Variants in NAV2 observed in about 807,000 individuals in gnomAD.
NAV2 encodes helicase, APC down-regulated 1.
In NAV2, 54 loss-of-function variants were observed where a neutral mutation model predicts 223.2. The observed-to-expected ratio is 0.24, with a 90% CI of 0.19 to 0.30. NAV2 has a LOEUF of 0.30. Ranked by LOEUF, NAV2 falls within the 10% of genes least tolerant of loss-of-function variation. The pLI, the probability that NAV2 is intolerant of heterozygous loss-of-function variation, is 1.00. For missense variants in NAV2, 2,806 were observed against 3,147.5 expected (o/e 0.89, Z 2.60); for synonymous variants, 1,279 against 1,239.3 (o/e 1.03, Z -0.67).
At chr11:19,900,537 G>T (rs1390270470) in intron 6 of NAV2, among the ~76,000 whole-genome samples, 1 of 152,128 alleles carries the variant, frequency 6.6e-6, no homozygotes, top group African/African-American at 2.4e-5. Flanking sequence ...CCAGGTAACA[G>T]CTCAGGTGTG....
chr11:19,717,684 C>G (rs1422584893), intron 1 of NAV2, among the ~76,000 whole-genome samples: 1 of 152,212 alleles, frequency 6.6e-6, no homozygotes, highest in Non-Finnish European at 1.5e-5. Flanking sequence ...GGTGGATCAT[C>G]ATTCTGAATG....
At chr11:20,044,885 C>G in intron 13 of NAV2, 83 bp from the exon 14 acceptor site, 1 of 1,182,668 alleles carries the variant, frequency 8.5e-7, no homozygotes, top group Middle Eastern at 2.1e-4. Context: ...ACCAGCTCTT[C>G]AGAGGAGGAG....
At position 20,034,262 on chromosome 11, in the gene NAV2, A is replaced by G. The variant is rs2056105797; in HGVS notation, c.2769-1697A>G. Among the ~76,000 whole-genome samples, 6 of 151,046 alleles carry G rather than the reference A, an allele frequency of 4.0e-5. 1 individual carries two copies. The South Asian group carries it at 1.0e-3, about 26-fold the overall frequency. ...AAAAACAATAATACCCTTTTCCCCT[A>G]TAGGTCAATTAGAGTAGTGTCACAC... is the stretch of plus-strand genomic sequence containing the variant. On this transcript the variant is annotated intron_variant, in intron 11 of 37. Coordinates refer to ENST00000349880, the MANE Select transcript of NAV2 (RefSeq NM_145117.5).
intron 11 of NAV2, among the ~76,000 whole-genome samples, chr11:20,029,142 C>T (rs1056288404): frequency 6.6e-6 from 1 of 152,204 alleles, no homozygotes; most frequent in Non-Finnish European, 1.5e-5. Context: ...GCCCACTTGC[C>T]TTTGTACCAA....
chr11:19,992,337 T>A (rs2051420435), intron 11 of NAV2, among the ~76,000 whole-genome samples: 1 of 152,216 alleles, frequency 6.6e-6, no homozygotes. Context: ...GTAAACCATC[T>A]GTAACTTAAA....
chr11:19,504,900 G>A (rs1239652986), intron 1 of NAV2: 1 of 152,240 alleles, frequency 6.6e-6, no homozygotes, highest in African/African-American at 2.4e-5. Flanking sequence ...TTGAAACATA[G>A]TGTTATTCCT....
chr11:20,023,113 T>C, intron 11 of NAV2: 1 of 1,551,882 alleles, frequency 6.4e-7, no homozygotes, highest in Non-Finnish European at 8.7e-7. Context: ...TGAAATGCTC[T>C]GGCCTAGGAA....
At chr11:19,544,893 C>T (rs556094988) in intron 1 of NAV2, among the ~76,000 whole-genome samples, 7 of 152,194 alleles carry the variant, frequency 4.6e-5, no homozygotes, top group Non-Finnish European at 8.8e-5. Flanking sequence ...GAATGAGAAT[C>T]GTAGTACCTG....
intron 1 of NAV2, among the ~76,000 whole-genome samples, chr11:19,768,648 G>T (rs1275874467): frequency 2.0e-5 from 3 of 152,156 alleles, no homozygotes; most frequent in Admixed American, 2.0e-4. Flanking sequence ...GGATGGCAGG[G>T]ACTAGTCTAA....
chr11:19,522,082 A>G (rs905254198), intron 1 of NAV2, among the ~76,000 whole-genome samples: 2 of 152,194 alleles, frequency 1.3e-5, no homozygotes, highest in African/African-American at 4.8e-5. Flanking sequence ...GGCCTGCTAC[A>G]TAGAGAGGTC....
At chr11:19,424,677 T>C (rs1850753173) in intron 1 of NAV2, among the ~76,000 whole-genome samples, 1 of 152,060 alleles carries the variant, frequency 6.6e-6, no homozygotes, top group South Asian at 2.1e-4. Flanking sequence ...GCCTCCTGAG[T>C]ATCTGGGATT....
At chr11:20,063,004 C>G (rs2058806191) in intron 20 of NAV2, among the ~76,000 whole-genome samples, 1 of 152,126 alleles carries the variant, frequency 6.6e-6, no homozygotes, top group African/African-American at 2.4e-5. Context: ...GCCTCAGTTT[C>G]TTTATCTGTA....
In NAV2 at chr11:20,121,282, A is replaced by T. The variant is rs193094908; in HGVS notation, c.*3024A>T. On this transcript the variant is annotated 3_prime_UTR_variant, in exon 38 of 38. Transcript: ENST00000349880. ...AGTTTTATGAAATATGTTCTATAAGATGTACATTTTTTCATTGTAACATAG... is the reference window on the plus strand; with the variant it reads ...AGTTTTATGAAATATGTTCTATAAGTTGTACATTTTTTCATTGTAACATAG... The T allele has an allele frequency of 6.5e-6, 1 of 152,746 alleles. No homozygotes were observed. The highest frequency in any genetic ancestry group is 6.5e-5 in the Admixed American group (1 of 15,306). The allele number at this position is 152,746 out of a possible 1,614,324, so 9.5% of individuals were successfully genotyped here.
At chr11:19,453,648 A>G (rs1197823291) in intron 1 of NAV2, among the ~76,000 whole-genome samples, 2 of 152,096 alleles carry the variant, frequency 1.3e-5, no homozygotes. Context: ...GGGCTTGGAG[A>G]GCAGTCTAAC....
At chr11:20,003,777 C>T (rs1409326130) in intron 11 of NAV2, among the ~76,000 whole-genome samples, 27 of 152,176 alleles carry the variant, frequency 1.8e-4, no homozygotes, top group Admixed American at 1.7e-3. Flanking sequence ...CAGACCCTCA[C>T]CAGTCTCTAA....
At chr11:19,784,210 G>A (rs989781752) in intron 1 of NAV2, among the ~76,000 whole-genome samples, 1 of 151,656 alleles carries the variant, frequency 6.6e-6, no homozygotes, top group Non-Finnish European at 1.5e-5. Flanking sequence ...CCAACATGGA[G>A]AAACCTCGTC....
At chr11:19,707,661 T>C (rs766928660) in intron 1 of NAV2, among the ~76,000 whole-genome samples, 12 of 152,206 alleles carry the variant, frequency 7.9e-5, no homozygotes, top group Non-Finnish European at 1.3e-4. Flanking sequence ...TAACAATGAA[T>C]AGTACAGTAA....
In NAV2 at chr11:19,998,800, A is replaced by T. The variant is rs1565733725; in HGVS notation, c.2768+14553A>T. On this transcript the variant is annotated intron_variant, in intron 11 of 37. Coordinates refer to ENST00000349880, the MANE Select transcript of NAV2 (RefSeq NM_145117.5). This position sits in a 1 kb window ranked among gnomAD's most constrained non-coding sequence, Gnocchi z 5.0. Reference sequence around the variant, plus strand: ...CCACTTAGAGAGGCTGCTACTGACCACTCAATCTAAAGAAAGTTTCAGCTG... The same window carrying T: ...CCACTTAGAGAGGCTGCTACTGACCTCTCAATCTAAAGAAAGTTTCAGCTG... 6.6e-6 allele frequency among the ~76,000 whole-genome samples: 1 copy of T among 152,042 alleles called. No individual in the cohort carries two copies.
At chr11:19,668,942 A>G (rs913570499) in intron 1 of NAV2, among the ~76,000 whole-genome samples, 2 of 152,286 alleles carry the variant, frequency 1.3e-5, no homozygotes, top group South Asian at 4.1e-4. Context: ...ATGGGAGACA[A>G]TTAGGAAACC....
Sources: gnomAD v4.1 joint callset for allele counts (sites outside exome capture counted in the v4.1 genomes callset) on GRCh38, gnomAD v4.1.1 for gene constraint, Gnocchi (gnomAD v3.1) non-coding constraint, MANE v1.5 for transcripts, NCBI Gene and HGNC (gene_info 2026-07-23, HGNC 2026-07-21) for gene names.